HAT1: variants seen among roughly 807,000 people sequenced by gnomAD.
HAT1 encodes histone acetyltransferase type B catalytic subunit.
HAT1 carries 20 observed loss-of-function variants against 56.6 expected under a neutral mutation model. The ratio of observed to expected loss-of-function variants is 0.35; its 90% CI spans 0.25 to 0.51. The LOEUF (loss-of-function observed/expected upper bound fraction) is 0.51, where lower values mean the gene tolerates loss of function less well. Among genes scored for constraint, HAT1 ranks in the 20% least tolerant of loss-of-function variants. The pLI, the probability that HAT1 is intolerant of heterozygous loss-of-function variation, is 0.95. For missense variants in HAT1, 408 were observed against 504.3 expected (o/e 0.81, Z 1.83); for synonymous variants, 146 against 165.5 (o/e 0.88, Z 0.91).
intron 8 of HAT1, among the ~76,000 whole-genome samples, chr2:171,970,496 CTTTTTTTTTTTTTTTTTTTTTTTTTTTTT>C (rs61462189): frequency 4.0e-5 from 3 of 74,978 alleles, no homozygotes; most frequent in Admixed American, 1.9e-4. Context: ...AATGCAGTTT[CTTTTTTTTTTTTTTTTTTTTTTTTTTTTT>C]TTTTTTTTTT....
At chr2:171,974,133 C>A (rs1687888545) in intron 8 of HAT1, among the ~76,000 whole-genome samples, 1 of 126,928 alleles carries the variant, frequency 7.9e-6, no homozygotes, top group African/African-American at 3.2e-5. Context: ...GAGCCAAGAT[C>A]GTACACTGCA....
At chr2:171,946,143 C>T (rs567919691) in intron 2 of HAT1, among the ~76,000 whole-genome samples, 1 of 152,280 alleles carries the variant, frequency 6.6e-6, no homozygotes, top group South Asian at 2.1e-4. Flanking sequence ...GTACTCTCCC[C>T]CTAGTTTTCT....
chr2:171,936,269 T>C (rs1440901386), intron 2 of HAT1, among the ~76,000 whole-genome samples: 1 of 152,166 alleles, frequency 6.6e-6, no homozygotes, highest in East Asian at 1.9e-4. Flanking sequence ...GACATTAGTC[T>C]GAAACCAGCA....
intron 4 of HAT1, among the ~76,000 whole-genome samples, chr2:171,956,684 A>G (rs1304373507): frequency 1.3e-5 from 2 of 152,236 alleles, no homozygotes; most frequent in Non-Finnish European, 2.9e-5. Flanking sequence ...ACTGTAAGCA[A>G]TGAACTTGGA....
chr2:171,981,629 C>T (rs1198045281), intron 10 of HAT1, among the ~76,000 whole-genome samples: 1 of 152,102 alleles, frequency 6.6e-6, no homozygotes, highest in East Asian at 1.9e-4. Context: ...TATTATTTGC[C>T]TATGACTAAA....
At chr2:171,936,513 T>A (rs1335715181) in intron 2 of HAT1, among the ~76,000 whole-genome samples, 1 of 152,086 alleles carries the variant, frequency 6.6e-6, no homozygotes, top group Non-Finnish European at 1.5e-5. Flanking sequence ...GGTGGGAAAT[T>A]AGATGAGTAT....
chr2:171,949,476 C>T (rs563483819), intron 3 of HAT1, among the ~76,000 whole-genome samples: 10 of 152,112 alleles, frequency 6.6e-5, no homozygotes, highest in African/African-American at 1.9e-4. Flanking sequence ...CAGGAGTTTG[C>T]GACCAGCCTG....
intron 9 of HAT1, among the ~76,000 whole-genome samples, chr2:171,976,945 G>A (rs1687981314): frequency 6.7e-6 from 1 of 149,976 alleles, no homozygotes; most frequent in Non-Finnish European, 1.5e-5. Flanking sequence ...GGAGGCCGAG[G>A]CGGACAGATC....
chr2:171,974,433 A>G (rs1024093559), intron 8 of HAT1, among the ~76,000 whole-genome samples: 2 of 152,152 alleles, frequency 1.3e-5, no homozygotes, highest in Non-Finnish European at 2.9e-5. Context: ...TTGATCTTCT[A>G]TCCTGCACTC....
intron 9 of HAT1, among the ~76,000 whole-genome samples, chr2:171,977,167 C>T (rs1198637199): frequency 2.2e-5 from 3 of 137,826 alleles, no homozygotes; most frequent in Non-Finnish European, 4.7e-5. Context: ...AGCGAGACTC[C>T]ATCTCAAAAA....
intron 2 of HAT1, among the ~76,000 whole-genome samples, chr2:171,944,639 T>C (rs1046961652): frequency 6.6e-6 from 1 of 152,168 alleles, no homozygotes; most frequent in African/African-American, 2.4e-5. Context: ...CTCTTGAGTA[T>C]ACTGAGGGAT....
intron 10 of HAT1, among the ~76,000 whole-genome samples, chr2:171,982,488 GCAGTAGCTGCCCAGTC>G (rs1688156952): frequency 6.6e-6 from 1 of 152,094 alleles, no homozygotes; most frequent in African/African-American, 2.4e-5. Context: ...TTGAACTACT[GCAGTAGCTGCCCAGTC>G]CTCCAGTCCC....
chr2:171,930,484 A>C (rs1302977494), intron 2 of HAT1, among the ~76,000 whole-genome samples: 1 of 152,210 alleles, frequency 6.6e-6, no homozygotes, highest in African/African-American at 2.4e-5. Context: ...GATATACTTT[A>C]AACATTTTCT....
At chr2:171,974,873 A>G (rs1284732097) in intron 8 of HAT1, among the ~76,000 whole-genome samples, 1 of 151,820 alleles carries the variant, frequency 6.6e-6, no homozygotes, top group East Asian at 1.9e-4. Flanking sequence ...ACATTAATTG[A>G]TTTTTTTTGG....
At chr2:171,926,111 T>C (rs1390856992) in intron 2 of HAT1, among the ~76,000 whole-genome samples, 1 of 152,096 alleles carries the variant, frequency 6.6e-6, no homozygotes, top group Non-Finnish European at 1.5e-5. Context: ...ACCCCTTTTT[T>C]TTCTTTCTTT....
At position 171,953,666 on chromosome 2, in the gene HAT1, A is replaced by T. The variant is rs185381167; in HGVS notation, c.309+665A>T. Among the ~76,000 whole-genome samples, 15 of 136,894 alleles carry T rather than the reference A, an allele frequency of 1.1e-4. No individual in the cohort carries two copies. The East Asian group carries it at 3.2e-3, about 29-fold the overall frequency. 89.8% of individuals were successfully genotyped at this position (136,894 alleles called of 152,430 possible). A position where few individuals can be genotyped will look rare whatever the true frequency, so the allele number is the denominator to read the frequency against. On this transcript the variant is annotated intron_variant, in intron 4 of 10. Transcript: ENST00000264108. ...AAAAAAAAAAAAAAATTAAGGTTTG[A>T]GGGAAGAGAGAATCTGTTACATGGT...
At chr2:171,981,035 T>G (rs1468207959) in intron 10 of HAT1, among the ~76,000 whole-genome samples, 1 of 151,572 alleles carries the variant, frequency 6.6e-6, no homozygotes, top group African/African-American at 2.4e-5. Context: ...CCAGGCATGG[T>G]GGGAGGTGCC....
At chr2:171,947,435 T>C (rs1161075606) in intron 3 of HAT1, among the ~76,000 whole-genome samples, 1 of 151,430 alleles carries the variant, frequency 6.6e-6, no homozygotes, top group African/African-American at 2.4e-5. Flanking sequence ...AAAAAATTTT[T>C]TGTAGAGATT....
intron 8 of HAT1, among the ~76,000 whole-genome samples, chr2:171,974,210 A>AAAAAAAAAAAAAAAAAATAAAAAG (rs1687905080): frequency 1.4e-5 from 1 of 72,694 alleles, no homozygotes. Flanking sequence ...AGAAAAAGAA[A>AAAAAAAAAAAAAAAAAATAAAAAG]AAAAAAAAAA....
Sources: gnomAD v4.1 joint callset for allele counts (sites outside exome capture counted in the v4.1 genomes callset) on GRCh38, gnomAD v4.1.1 for gene constraint, MANE v1.5 for transcripts, NCBI Gene and HGNC (gene_info 2026-07-23, HGNC 2026-07-21) for gene names.